CDH12: variants seen among roughly 807,000 people sequenced by gnomAD.
The protein encoded by CDH12 is cadherin-12.
CDH12 carries 41 observed loss-of-function variants against 74.1 expected under a neutral mutation model. The ratio of observed to expected loss-of-function variants is 0.55; its 90% CI spans 0.43 to 0.72. CDH12 has a LOEUF of 0.72. Ranked by LOEUF, CDH12 falls within the 30% of genes least tolerant of loss-of-function variation. The pLI is 0.00. For missense variants in CDH12, 945 were observed against 977.2 expected, an observed-to-expected ratio of 0.97 and a Z score of 0.44; for synonymous variants, 399 against 355.0, an observed-to-expected ratio of 1.12 and a Z score of -1.39.
intron 3 of CDH12, among the ~76,000 whole-genome samples, chr5:22,258,836 T>C (rs1561261934): frequency 6.6e-6 from 1 of 152,170 alleles, no homozygotes; most frequent in Non-Finnish European, 1.5e-5. Context: ...TAGGAGGCTA[T>C]GCCACCTAGG....
intron 1 of CDH12, among the ~76,000 whole-genome samples, chr5:22,734,756 T>A (rs1435540163): frequency 6.6e-6 from 1 of 151,960 alleles, no homozygotes; most frequent in Non-Finnish European, 1.5e-5. Flanking sequence ...GGGTCTACGA[T>A]AATGTTCTTA....
chr5:22,359,486 C>G (rs1009701908), intron 3 of CDH12, among the ~76,000 whole-genome samples: 1 of 152,106 alleles, frequency 6.6e-6, no homozygotes, highest in Non-Finnish European at 1.5e-5. Context: ...TAATGGGAGA[C>G]TTCAACACCC....
intron 1 of CDH12, among the ~76,000 whole-genome samples, chr5:22,672,158 T>C (rs1406852882): frequency 7.6e-6 from 1 of 132,226 alleles, no homozygotes; most frequent in Non-Finnish European, 1.6e-5. Flanking sequence ...TTATATATAT[T>C]ATATATATGT....
intron 1 of CDH12, among the ~76,000 whole-genome samples, chr5:22,671,765 T>C (rs914652873): frequency 2.0e-5 from 3 of 151,826 alleles, no homozygotes; most frequent in Non-Finnish European, 4.4e-5. Context: ...AAGCCAACTG[T>C]GAACAAAGGG....
chr5:22,344,225 A>T (rs1740011193), intron 3 of CDH12, among the ~76,000 whole-genome samples: 2 of 152,194 alleles, frequency 1.3e-5, no homozygotes, highest in Admixed American at 1.3e-4. Flanking sequence ...GTTACCATAT[A>T]CATTTTCAAT....
intron 2 of CDH12, among the ~76,000 whole-genome samples, chr5:22,467,341 G>A (rs1289656948): frequency 1.3e-5 from 2 of 152,176 alleles, no homozygotes; most frequent in African/African-American, 2.4e-5. Flanking sequence ...CCCCCCATCT[G>A]AAAGCAATTC....
chr5:22,612,999 C>T lies in CDH12; in HGVS notation c.-522-107635G>A, dbSNP rs1561528449. On this transcript the variant is annotated intron_variant, in intron 1 of 14. Transcript: ENST00000382254. ...AGCAGAGCACAAATGTTTCCTTATT[C>T]ACTTTATCTGGAAATTCTGCCGTAT... is the stretch of plus-strand genomic sequence containing the variant. Among the ~76,000 whole-genome samples, 2 of 152,000 alleles carry T rather than the reference C, an allele frequency of 1.3e-5. 1 individual carries two copies. Among genetic ancestry groups the T allele is most frequent in the South Asian group, 4.1e-4 (2 of 4,824 alleles).
chr5:22,683,604 C>A (rs1218035668), intron 1 of CDH12, among the ~76,000 whole-genome samples: 3 of 152,264 alleles, frequency 2.0e-5, no homozygotes, highest in Non-Finnish European at 4.4e-5. Context: ...AAAGCAATTT[C>A]TCAAACAAGT....
intron 1 of CDH12, among the ~76,000 whole-genome samples, chr5:22,811,411 T>C (rs1419341088): frequency 6.6e-6 from 1 of 152,082 alleles, no homozygotes; most frequent in Non-Finnish European, 1.5e-5. Flanking sequence ...TTAGACGATA[T>C]TCAGTGGCGG....
At chr5:22,731,441 A>G (rs988406086) in intron 1 of CDH12, among the ~76,000 whole-genome samples, 2 of 151,876 alleles carry the variant, frequency 1.3e-5, no homozygotes, top group East Asian at 1.9e-4. Context: ...TTCATTTCCT[A>G]TATGAAGTCA....
At chr5:22,621,579 A>G (rs1007295742) in intron 1 of CDH12, among the ~76,000 whole-genome samples, 1 of 152,130 alleles carries the variant, frequency 6.6e-6, no homozygotes, top group East Asian at 1.9e-4. Context: ...AAGCTCAACA[A>G]TGGTAAATAT....
rs139728461 is a variant in CDH12, at chr5:22,528,128, G to A, written c.-522-22764C>T. 2.5e-3 allele frequency among the ~76,000 whole-genome samples: 383 copies of A among 152,248 alleles called. 6 individuals are homozygous for A. Among genetic ancestry groups the A allele is most frequent in the African/African-American group, 8.6e-3 (359 of 41,556 alleles). On this transcript the variant is annotated intron_variant, in intron 1 of 14. Transcript: ENST00000382254. Reference sequence around the variant, plus strand: ...AGAATTCAGATTAGTTAGAGGCCTAGAAGCAAAGAAGGATGGTCATAGCCT... The same window carrying A: ...AGAATTCAGATTAGTTAGAGGCCTAAAAGCAAAGAAGGATGGTCATAGCCT...
At chr5:22,823,240 G>T (rs187336686) in intron 1 of CDH12, among the ~76,000 whole-genome samples, 25 of 146,716 alleles carry the variant, frequency 1.7e-4, no homozygotes, top group Non-Finnish European at 3.3e-4. Flanking sequence ...TTGTGAGGTG[G>T]GGGGAGGGGG....
At chr5:22,638,457 C>G (rs981023825) in intron 1 of CDH12, among the ~76,000 whole-genome samples, 10 of 152,118 alleles carry the variant, frequency 6.6e-5, no homozygotes, top group African/African-American at 2.4e-4. Context: ...GAAGAGTCAG[C>G]TGGTCTAGTC....
intron 2 of CDH12, among the ~76,000 whole-genome samples, chr5:22,454,061 T>C (rs1413082517): frequency 6.6e-6 from 1 of 152,132 alleles, no homozygotes; most frequent in Non-Finnish European, 1.5e-5. Flanking sequence ...GCATATTCAA[T>C]GTAAACAAAA....
intron 1 of CDH12, among the ~76,000 whole-genome samples, chr5:22,714,855 T>A (rs1743487936): frequency 6.6e-6 from 1 of 152,216 alleles, no homozygotes; most frequent in Non-Finnish European, 1.5e-5. Flanking sequence ...CAACGTACTT[T>A]GTTGGTATTT....
intron 4 of CDH12, among the ~76,000 whole-genome samples, chr5:22,115,689 C>CTT (rs10669028): frequency 0.42 from 46,159 of 110,282 alleles, 10,334 homozygotes; most frequent in Non-Finnish European, 0.45. Context: ...GTCCTCGCGA[C>CTT]TTTTTTTTTT....
At chr5:22,275,649 C>A (rs1288723238) in intron 3 of CDH12, among the ~76,000 whole-genome samples, 2 of 152,186 alleles carry the variant, frequency 1.3e-5, no homozygotes, top group East Asian at 1.9e-4. Context: ...CATTTTTTAT[C>A]CCTTAATATC....
intron 3 of CDH12, among the ~76,000 whole-genome samples, chr5:22,332,542 G>A (rs1739393606): frequency 6.6e-6 from 1 of 152,094 alleles, no homozygotes; most frequent in Admixed American, 6.6e-5. Flanking sequence ...TACAGAATGG[G>A]AGAATATTTT....
Sources: allele counts gnomAD v4.1 joint callset (sites outside exome capture counted in the v4.1 genomes callset), GRCh38; gene constraint gnomAD v4.1.1; transcripts MANE v1.5; gene names NCBI Gene and HGNC (gene_info 2026-07-23, HGNC 2026-07-21).